Variants in AKR1B10 observed in about 807,000 individuals in gnomAD.
AKR1B10 encodes the protein aldo-keto reductase family 1 member B10, also known as ARP.
In AKR1B10, 39 loss-of-function variants were observed where a neutral mutation model predicts 38.9. The ratio of observed to expected loss-of-function variants is 1.00; its 90% confidence interval spans 0.78 to 1.31. The LOEUF (loss-of-function observed/expected upper bound fraction) is 1.31. Ranked by LOEUF, AKR1B10 falls within the 50% of genes most tolerant of loss-of-function variation. AKR1B10 has a pLI of 0.00. For missense variants in AKR1B10, 361 were observed against 382.6 expected, an observed-to-expected ratio of 0.94 and a Z score of 0.47; for synonymous variants, 148 against 141.2, an observed-to-expected ratio of 1.05 and a Z score of -0.34.
At position 134,537,598 on chromosome 7, in the gene AKR1B10, T is replaced by C; in HGVS notation, c.678T>C (p.Pro226=). ...CCCCTAGGGCCAAGCCAGAAGACCC[T>C]TCCCTGCTGGAGGATCCCAAGATTA... ...PDRPWAKPED[P]SLLEDPKIKE... Residue 226 remains proline (P), a synonymous_variant, in exon 7 of 10, where the codon CCT becomes CCC. Transcript: ENST00000359579. 6.2e-7 allele frequency: 1 copy of C among 1,614,010 alleles called. No individual in the cohort carries two copies. Among genetic ancestry groups the C allele is most frequent in the East Asian group, 2.2e-5 (1 of 44,876 alleles).
intron 1 of AKR1B10, among the ~76,000 whole-genome samples, chr7:134,530,291 AG>A (rs1276973109): frequency 1.3e-5 from 2 of 152,196 alleles, no homozygotes; most frequent in Non-Finnish European, 2.9e-5. Context: ...CTGGATGAAA[AG>A]GGAACTGACT....
At chr7:134,534,642 T>C (rs1807949925) in intron 4 of AKR1B10, among the ~76,000 whole-genome samples, 1 of 152,198 alleles carries the variant, frequency 6.6e-6, no homozygotes, top group South Asian at 2.1e-4. Context: ...GCGTTGGATG[T>C]TTATGTAGAC....
intron 4 of AKR1B10, among the ~76,000 whole-genome samples, chr7:134,534,073 C>T (rs1807935311): frequency 6.6e-6 from 1 of 152,098 alleles, no homozygotes; most frequent in Non-Finnish European, 1.5e-5. Flanking sequence ...TGAAATGTAG[C>T]TTTTTCTGTG....
intron 1 of AKR1B10, 101 bp downstream of exon 1, chr7:134,528,078 T>A: frequency 6.9e-7 from 1 of 1,459,342 alleles, no homozygotes; most frequent in South Asian, 1.2e-5. Context: ...CGGGCAGGGG[T>A]TGGAGAGGTA....
intron 4 of AKR1B10, chr7:134,535,583 G>GTT (rs1807972246): frequency 2.9e-6 from 2 of 681,356 alleles, no homozygotes; most frequent in Admixed American, 1.0e-4. Context: ...CCTCTTTTCT[G>GTT]TCTTTTTTTT....
intron 8 of AKR1B10, among the ~76,000 whole-genome samples, chr7:134,538,624 G>T (rs567517756): frequency 6.6e-6 from 1 of 152,162 alleles, no homozygotes; most frequent in South Asian, 2.1e-4. Context: ...AGCAGAGGAG[G>T]TGTGAACTGT....
intron 3 of AKR1B10, among the ~76,000 whole-genome samples, chr7:134,532,693 T>C (rs1807893890): frequency 6.6e-6 from 1 of 152,188 alleles, no homozygotes. Context: ...CCAGTAATAT[T>C]GAAATGAAAG....
At chr7:134,535,648 C>G (rs988345246) in intron 4 of AKR1B10, 9 of 974,916 alleles carry the variant, frequency 9.2e-6, no homozygotes, top group Non-Finnish European at 1.1e-5. Flanking sequence ...AAGGACTCCC[C>G]TGACAACTGC....
Position 134,527,732 on chromosome 7 carries a change from G to C in AKR1B10, c.-180G>C. 3 of 543,432 alleles carry C rather than the reference G, an allele frequency of 5.5e-6. No individual in the cohort carries two copies. Among genetic ancestry groups the C allele is most frequent in the Non-Finnish European group, 8.4e-6 (3 of 357,654 alleles). 33.7% of individuals were successfully genotyped at this position (543,432 alleles called of 1,614,324 possible). A position where few individuals can be genotyped will look rare whatever the true frequency, so the allele number is the denominator to read the frequency against. On this transcript the variant is annotated 5_prime_UTR_variant, in exon 1 of 10. Transcript: ENST00000359579. ...GTCACGGTGGGCGCCTGTAATCCCAGCTACTCGGGAGGCTGAGGCAGGAGA... is the reference window on the plus strand; with the variant it reads ...GTCACGGTGGGCGCCTGTAATCCCACCTACTCGGGAGGCTGAGGCAGGAGA...
At chr7:134,535,699 T>C (rs946848729) in intron 4 of AKR1B10, 2 of 983,954 alleles carry the variant, frequency 2.0e-6, no homozygotes, top group African/African-American at 3.5e-5. Flanking sequence ...TTTCTGACTC[T>C]GTCTATGCCG....
intron 1 of AKR1B10, among the ~76,000 whole-genome samples, chr7:134,530,240 G>A (rs1722888): frequency 6.6e-6 from 1 of 151,992 alleles, no homozygotes; most frequent in Admixed American, 6.5e-5. Context: ...GTAGTGGAGC[G>A]GTCTGCACCC....
chr7:134,533,190 A>G, intron 4 of AKR1B10, 109 bp downstream of exon 4: 2 of 907,738 alleles, frequency 2.2e-6, no homozygotes, highest in South Asian at 1.8e-5. Flanking sequence ...TAATTTCATC[A>G]TTGTGATTTT....
intron 1 of AKR1B10, among the ~76,000 whole-genome samples, chr7:134,529,394 G>A (rs1046406018): frequency 6.6e-6 from 1 of 152,138 alleles, no homozygotes; most frequent in Non-Finnish European, 1.5e-5. Context: ...AGATCTCCAG[G>A]GAATCTACTC....
rs1294847595 is a variant in AKR1B10, at chr7:134,536,770, C to T, written c.550C>T (p.Gln184Ter). The change falls in exon 5 of 10, where the codon CAG (glutamine) becomes TAG (stop). Residue 184 changes from glutamine (Q) to a stop codon, truncating the protein, a stop_gained and splice_region_variant. Coordinates refer to ENST00000359579, the MANE Select transcript of AKR1B10 (RefSeq NM_020299.5). LOFTEE classifies it high-confidence loss of function. ...PGLKYKPVTN[Q>*]VECHPYLTQE... ...ACTGAAATATAAACCAGTGACTAAC[C>T]AGGTAAATTCTATTCAGTTTAAGGG... 39 of 1,613,686 alleles carry T rather than the reference C, an allele frequency of 2.4e-5. No homozygotes were observed. The highest frequency in any genetic ancestry group is 3.1e-5 in the Non-Finnish European group (37 of 1,179,790).
intron 2 of AKR1B10, among the ~76,000 whole-genome samples, chr7:134,531,510 G>A (rs550591225): frequency 3.5e-4 from 53 of 152,252 alleles, no homozygotes; most frequent in African/African-American, 1.3e-3. Flanking sequence ...GGACCTATCA[G>A]ATAGGTCAGA....
chr7:134,540,944 A>C (rs1430759079), intron 9 of AKR1B10, 103 bp from the exon 10 acceptor site: 2 of 852,840 alleles, frequency 2.3e-6, no homozygotes, highest in East Asian at 5.1e-5. Context: ...CTAAGAGAGC[A>C]CAAATATGAT....
intron 3 of AKR1B10, 37 bp from the exon 4 acceptor site, chr7:134,532,967 T>C: frequency 6.4e-7 from 1 of 1,570,578 alleles, no homozygotes; most frequent in Non-Finnish European, 8.7e-7. Context: ...AGTGTCCTGA[T>C]GCAGATTCCA....
intron 4 of AKR1B10, chr7:134,535,783 G>A (rs1268124608): frequency 1.7e-5 from 13 of 742,986 alleles, no homozygotes; most frequent in Admixed American, 6.3e-5. Context: ...CACTTTAATT[G>A]GACTATAAGA....
intron 5 of AKR1B10, 121 bp downstream of exon 5, chr7:134,536,893 G>T: frequency 6.3e-7 from 1 of 1,576,486 alleles, no homozygotes; most frequent in South Asian, 1.2e-5. Context: ...GGACACTTTG[G>T]GGAGGTGTGA....
Sources: gnomAD v4.1 joint callset for allele counts (sites outside exome capture counted in the v4.1 genomes callset) on GRCh38, gnomAD v4.1.1 for gene constraint, MANE v1.5 for transcripts, NCBI Gene and HGNC (gene_info 2026-07-23, HGNC 2026-07-21) for gene names.